Variants in GALNT13 observed in about 807,000 individuals in gnomAD.
The protein encoded by GALNT13 is UDP-GalNAc:polypeptide N-acetylgalactosaminyltransferase 13.
In GALNT13, 28 loss-of-function variants were observed where a neutral mutation model predicts 64.2. The ratio of observed to expected loss-of-function variants is 0.44; its 90% CI spans 0.32 to 0.60. GALNT13 has a LOEUF of 0.60. GALNT13 is among the 20% of genes least tolerant of loss of function. The pLI is 0.05. For synonymous variants in GALNT13, 214 were observed against 224.6 expected, an observed-to-expected ratio of 0.95 and a Z score of 0.42; for missense variants, 577 against 669.8, an observed-to-expected ratio of 0.86 and a Z score of 1.53.
the GALNT13 span, among the ~76,000 whole-genome samples, chr2:153,678,819 A>G: frequency 6.6e-6 from 1 of 151,994 alleles, no homozygotes; most frequent in Non-Finnish European, 1.5e-5. Flanking sequence ...TTGTCAAGGG[A>G]CAGACAGGGG....
chr2:154,264,530 G>A (rs1185968852), intron 8 of GALNT13, among the ~76,000 whole-genome samples: 1 of 150,982 alleles, frequency 6.6e-6, no homozygotes, highest in Non-Finnish European at 1.5e-5. Context: ...CCAGCAACTC[G>A]AGAGGCTGAG....
chr2:154,140,619 C>G, intron 4 of GALNT13, 114 bp downstream of exon 4: 1 of 643,458 alleles, frequency 1.6e-6, no homozygotes, highest in South Asian at 2.7e-5. Flanking sequence ...GTTCTGAGTA[C>G]CTATCACATA....
At chr2:154,016,851 G>A (rs922293969) in intron 3 of GALNT13, among the ~76,000 whole-genome samples, 3 of 152,276 alleles carry the variant, frequency 2.0e-5, no homozygotes, top group South Asian at 2.1e-4. Flanking sequence ...AAGGTGTGAT[G>A]TAAATGATCA....
intron 11 of GALNT13, among the ~76,000 whole-genome samples, chr2:154,424,167 G>A (rs111303483): frequency 2.5e-3 from 380 of 152,194 alleles, no homozygotes; most frequent in African/African-American, 8.8e-3. Context: ...TGGATTCGTA[G>A]GGGAACATGA....
chr2:154,159,639 G>T (rs934221879), intron 4 of GALNT13, among the ~76,000 whole-genome samples: 1 of 152,098 alleles, frequency 6.6e-6, no homozygotes, highest in African/African-American at 2.4e-5. Flanking sequence ...GATGAAAGAG[G>T]TATAGATCTG....
chr2:153,257,049 G>C, the GALNT13 span, among the ~76,000 whole-genome samples: 9 of 152,248 alleles, frequency 5.9e-5, no homozygotes, highest in Admixed American at 5.9e-4. Flanking sequence ...CCCTCCGCCA[G>C]CCTCGCTGCC....
chr2:153,234,226 G>C, the GALNT13 span, among the ~76,000 whole-genome samples: 2 of 152,160 alleles, frequency 1.3e-5, no homozygotes, highest in Non-Finnish European at 2.9e-5. Flanking sequence ...CTGAAGCCCA[G>C]CCCAGGAGAT....
At chr2:153,631,291 A>C in the GALNT13 span, among the ~76,000 whole-genome samples, 31 of 152,200 alleles carry the variant, frequency 2.0e-4, no homozygotes, top group African/African-American at 7.5e-4. Context: ...GTGTCTTTAT[A>C]ACAGCATGAT....
the GALNT13 span, among the ~76,000 whole-genome samples, chr2:153,808,619 C>A: frequency 6.6e-6 from 1 of 152,116 alleles, no homozygotes; most frequent in Non-Finnish European, 1.5e-5. Flanking sequence ...CTCAGAAAAT[C>A]TCATATATAA....
At chr2:154,304,656 T>A (rs910604171) in intron 9 of GALNT13, among the ~76,000 whole-genome samples, 1 of 152,210 alleles carries the variant, frequency 6.6e-6, no homozygotes, top group Non-Finnish European at 1.5e-5. Flanking sequence ...CTTTAGAATG[T>A]AAAGCATGGG....
At chr2:153,222,907 A>G in the GALNT13 span, among the ~76,000 whole-genome samples, 7 of 152,070 alleles carry the variant, frequency 4.6e-5, no homozygotes, top group African/African-American at 1.7e-4. Flanking sequence ...GCCTGGGTCC[A>G]GAGAGGCGGC....
chr2:153,464,716 T>C, the GALNT13 span, among the ~76,000 whole-genome samples: 2 of 152,052 alleles, frequency 1.3e-5, no homozygotes, highest in South Asian at 2.1e-4. Context: ...ACATTTTTGA[T>C]AATAAGTTAT....
At chr2:153,566,595 C>A in the GALNT13 span, among the ~76,000 whole-genome samples, 1 of 152,126 alleles carries the variant, frequency 6.6e-6, no homozygotes, top group African/African-American at 2.4e-5. Flanking sequence ...ACCTTGTGAT[C>A]CGCCTGCCTT....
At chr2:153,443,362 C>G in the GALNT13 span, among the ~76,000 whole-genome samples, 410 of 152,304 alleles carry the variant, frequency 2.7e-3, 18 homozygotes, top group East Asian at 0.073. Context: ...TTCAGCTTGC[C>G]CTCTGTGGGC....
At chr2:153,945,767 G>A (rs1233433671) in intron 3 of GALNT13, among the ~76,000 whole-genome samples, 2 of 152,132 alleles carry the variant, frequency 1.3e-5, no homozygotes, top group East Asian at 3.9e-4. Context: ...GCTTTAGATT[G>A]CAAATCAAAG....
intron 1 of GALNT13, among the ~76,000 whole-genome samples, chr2:153,895,851 T>A (rs990434405): frequency 1.3e-5 from 2 of 151,704 alleles, no homozygotes; most frequent in African/African-American, 4.8e-5. Context: ...CACAAATATT[T>A]GATGATAATT....
At chr2:153,380,214 C>G in the GALNT13 span, among the ~76,000 whole-genome samples, 1 of 152,092 alleles carries the variant, frequency 6.6e-6, no homozygotes. Flanking sequence ...CATGTACAGA[C>G]TATTTTTCCT....
chr2:153,202,535 C>T, the GALNT13 span, among the ~76,000 whole-genome samples: 2 of 152,180 alleles, frequency 1.3e-5, no homozygotes, highest in Non-Finnish European at 2.9e-5. Context: ...ACCCACAATC[C>T]TTACTTCACA....
At chr2:153,922,882 T>C (rs1021902406) in intron 2 of GALNT13, among the ~76,000 whole-genome samples, 3 of 151,978 alleles carry the variant, frequency 2.0e-5, no homozygotes, top group Non-Finnish European at 2.9e-5. Flanking sequence ...TTTTTATTTT[T>C]ATTTTTTATT....
Sources: allele counts gnomAD v4.1 joint callset (sites outside exome capture counted in the v4.1 genomes callset), GRCh38; gene constraint gnomAD v4.1.1; transcripts MANE v1.5; gene names NCBI Gene and HGNC (gene_info 2026-07-23, HGNC 2026-07-21).